BTBD19: variants seen among roughly 807,000 people sequenced by gnomAD.
BTBD19 encodes the protein BTB/POZ domain-containing protein 19.
BTBD19 carries 20 observed loss-of-function variants against 36.1 expected under a neutral mutation model. The observed-to-expected ratio is 0.55, with a 90% CI of 0.39 to 0.80. BTBD19 has a LOEUF of 0.80. Among genes scored for constraint, BTBD19 ranks in the 30% least tolerant of loss-of-function variants. The pLI, the probability that BTBD19 is intolerant of heterozygous loss-of-function variation, is 0.00. For synonymous variants in BTBD19, 157 were observed against 174.3 expected (o/e 0.90, Z 0.78); for missense variants, 325 against 389.8 (o/e 0.83, Z 1.40).
chr1:44,811,726 T>C, intron 3 of BTBD19: 2 of 294,376 alleles, frequency 6.8e-6, no homozygotes, highest in Non-Finnish European at 1.4e-5. Context: ...TATCCTTGAG[T>C]CAGGAAGGGA....
chr1:44,808,774 G>A, exon 1 of BTBD19: 1 of 1,416,486 alleles, frequency 7.1e-7, no homozygotes, highest in Non-Finnish European at 9.6e-7. Flanking sequence ...TCTAGGGCCT[G>A]GCCAGGCCTC....
In BTBD19 at chr1:44,813,779, G is replaced by A; in HGVS notation, c.*7G>A. On this transcript the variant is annotated 3_prime_UTR_variant, in exon 8 of 8. Transcript: ENST00000450269. The surrounding 1 kb of genome is among the most constrained non-coding windows in gnomAD (Gnocchi z 7.8). ...GGACCTGTCCTTCAAATGATCCAACGCCGGGACTCGCAGGGAGCCCTCGAC... is the reference window on the plus strand; with the variant it reads ...GGACCTGTCCTTCAAATGATCCAACACCGGGACTCGCAGGGAGCCCTCGAC... 7 of 1,551,276 alleles carry A rather than the reference G, an allele frequency of 4.5e-6. No individual in the cohort carries two copies. Among genetic ancestry groups the A allele is most frequent in the Non-Finnish European group, 6.1e-6 (7 of 1,146,808 alleles).
chr1:44,811,327 A>G (rs1652404660), intron 3 of BTBD19, among the ~76,000 whole-genome samples: 1 of 152,012 alleles, frequency 6.6e-6, no homozygotes, highest in African/African-American at 2.4e-5. Flanking sequence ...AAGACTTCCC[A>G]GAGGAGGAAA....
exon 1 of BTBD19, chr1:44,808,536 C>T: frequency 3.5e-6 from 1 of 287,772 alleles, no homozygotes; most frequent in Non-Finnish European, 6.5e-6. Flanking sequence ...GCCTCTTTCG[C>T]CGCCGCCGCC....
chr1:44,810,298 C>A lies in BTBD19; in HGVS notation c.172C>A (p.Arg58=), dbSNP rs1017479206. ...GGCCTGTAGATGCAACTTCTTCCAG[C>A]GACTTCTGGGCACAGAGCCAGGCCC... Residue 58 remains arginine (R), a synonymous_variant, in exon 2 of 8, where the codon CGA becomes AGA. Transcript: ENST00000450269. The surrounding 1 kb of genome is among the most constrained non-coding windows in gnomAD (Gnocchi z 4.2). 8 of 1,551,750 alleles carry A rather than the reference C, an allele frequency of 5.2e-6. No individual in the cohort carries two copies. The Admixed American group carries it at 1.6e-4, about 30-fold the overall frequency.
At chr1:44,808,974 C>A in intron 1 of BTBD19, 68 bp downstream of exon 1, 1 of 1,307,316 alleles carries the variant, frequency 7.6e-7, no homozygotes, top group Non-Finnish European at 1.0e-6. Flanking sequence ...TCTAAGGAGG[C>A]CCTGGTGAGA....
intron 1 of BTBD19, among the ~76,000 whole-genome samples, chr1:44,809,169 T>C (rs3923304): frequency 0.13 from 20,357 of 152,206 alleles, 1,533 homozygotes; most frequent in Non-Finnish European, 0.16. Context: ...CTTTGGCCCC[T>C]GGCAGAAGAA....
Sources: allele counts gnomAD v4.1 joint callset (sites outside exome capture counted in the v4.1 genomes callset), GRCh38; gene constraint gnomAD v4.1.1; non-coding constraint Gnocchi (gnomAD v3.1); transcripts MANE v1.5; gene names NCBI Gene and HGNC (gene_info 2026-07-23, HGNC 2026-07-21).